CELSR1: variants seen among roughly 807,000 people sequenced by gnomAD.
The protein encoded by CELSR1 is cadherin EGF LAG seven-pass G-type receptor 1, also known as adhesion G protein-coupled receptor C1.
Under a neutral mutation model 249.1 loss-of-function variants are expected in CELSR1, and 110 were observed. The ratio of observed to expected loss-of-function variants is 0.44; its 90% CI spans 0.38 to 0.52. The LOEUF is 0.52. Among genes scored for constraint, CELSR1 ranks in the 20% least tolerant of loss-of-function variants. CELSR1 has a pLI of 0.00. For synonymous variants in CELSR1, 2,113 were observed against 1,900.0 expected (o/e 1.11, Z -2.92); for missense variants, 4,109 against 4,296.4 (o/e 0.96, Z 1.22).
intron 1 of CELSR1, among the ~76,000 whole-genome samples, chr22:46,470,001 A>AGGGGAGGGAGGGAGGAT (rs1268852616): frequency 8.3e-5 from 1 of 11,996 alleles, no homozygotes; most frequent in African/African-American, 3.8e-4. Flanking sequence ...GGAGGGAGGG[A>AGGGGAGGGAGGGAGGAT]GAGGCAAAGG....
chr22:46,459,088 C>G (rs1219213448), intron 2 of CELSR1, among the ~76,000 whole-genome samples: 1 of 152,114 alleles, frequency 6.6e-6, no homozygotes, highest in East Asian at 1.9e-4. Context: ...CAAGGTTTCA[C>G]CGTGTTGGCC....
Position 46,446,230 on chromosome 22 carries a change from C to CA in CELSR1, c.4184-6820dup, listed in dbSNP as rs888740143. ...TGTGCGTACACTGCAGGCCATCCTC[C>CA]AGCCCCGCGTCCTCTCTCTTAGTCT... is the stretch of plus-strand genomic sequence containing the variant. On this transcript the variant is annotated intron_variant, in intron 2 of 34. Coordinates refer to ENST00000674500, the MANE Select transcript of CELSR1 (RefSeq NM_001378328.1). The surrounding 1 kb of genome is among the most constrained non-coding windows in gnomAD (Gnocchi z 5.5). Among the ~76,000 whole-genome samples, 7 of 152,222 alleles carry CA rather than the reference C, an allele frequency of 4.6e-5. No homozygotes were observed. Among genetic ancestry groups the CA allele is most frequent in the Non-Finnish European group, 8.8e-5 (6 of 68,048 alleles).
chr22:46,404,305 G>A lies in CELSR1; in HGVS notation c.5227-4403C>T, dbSNP rs573314337. On this transcript the variant is annotated intron_variant, in intron 9 of 34. Transcript: ENST00000674500. ...CACACACCTGTAATCTCAGCTACTC[G>A]GGAGGCTGAGGTAGGAGAATCCCTT... Among the ~76,000 whole-genome samples, 6 of 151,820 alleles carry A rather than the reference G, an allele frequency of 4.0e-5. No homozygotes were observed. The East Asian group carries it at 5.9e-4, about 15-fold the overall frequency.
intron 1 of CELSR1, among the ~76,000 whole-genome samples, chr22:46,476,882 T>C (rs2080214360): frequency 6.6e-6 from 1 of 152,118 alleles, no homozygotes; most frequent in South Asian, 2.1e-4. Context: ...ATGTAACAAA[T>C]GCCACTGAAG....
intron 1 of CELSR1, among the ~76,000 whole-genome samples, chr22:46,531,301 A>G (rs1397127502): frequency 1.3e-5 from 2 of 151,874 alleles, no homozygotes; most frequent in African/African-American, 4.8e-5. Flanking sequence ...CGCCTCCCAG[A>G]TTCAAGCAAT....
At chr22:46,383,466 T>C (rs1430050695) in intron 20 of CELSR1, among the ~76,000 whole-genome samples, 2 of 152,220 alleles carry the variant, frequency 1.3e-5, no homozygotes, top group Non-Finnish European at 1.5e-5. Flanking sequence ...TTCTGGCTTT[T>C]TTGTTGTTGT....
chr22:46,402,614 A>C lies in CELSR1; in HGVS notation c.5227-2712T>G, dbSNP rs1351387213. Among the ~76,000 whole-genome samples, 4 of 152,240 alleles carry C rather than the reference A, an allele frequency of 2.6e-5. No individual in the cohort carries two copies. Among genetic ancestry groups the C allele is most frequent in the African/African-American group, 9.6e-5 (4 of 41,462 alleles). On this transcript the variant is annotated intron_variant, in intron 9 of 34. Transcript: ENST00000674500. The surrounding 1 kb of genome is among the most constrained non-coding windows in gnomAD (Gnocchi z 5.0). ...ACGAGGATATAAGGTAATATGCTTG[A>C]AAACCAAGAGAAGCAAGGAAGAGTG...
Position 46,536,471 on chromosome 22 carries a change from G to C in CELSR1, c.700C>G (p.Arg234Gly). Residue 234 changes from arginine to glycine, a missense_variant, in exon 1 of 35, where the codon CGG (arginine) becomes GGG (glycine). Physicochemically the swap from Arg to Gly is moderately radical, Grantham distance 125. Around this residue, in one of 7 missense-constraint regions of CELSR1, gnomAD observed 673 missense variants for 636.8 expected, o/e 1.06. Transcript: ENST00000674500. ...CTCCCTCTGCCGCTCGTGCCCCGCC[G>C]GGCCCGTCGCGCCGGCCCCGCCCGG... ...EARAGPARRA[R>G]RGTSGRGSLK... 6.2e-7 allele frequency: 1 copy of C among 1,605,634 alleles called. No homozygotes were observed. The highest frequency in any genetic ancestry group is 8.5e-7 in the Non-Finnish European group (1 of 1,176,756).
intron 2 of CELSR1, among the ~76,000 whole-genome samples, chr22:46,457,638 G>A (rs762011700): frequency 6.6e-5 from 10 of 152,238 alleles, no homozygotes; most frequent in Non-Finnish European, 1.5e-4. Flanking sequence ...CGCTCACAGC[G>A]CGGACAGAGA....
chr22:46,366,926 T>C, intron 29 of CELSR1, 67 bp downstream of exon 29: 1 of 1,541,290 alleles, frequency 6.5e-7, no homozygotes, highest in African/African-American at 1.4e-5. Flanking sequence ...TGAGGCTCGA[T>C]CACCCTCCCC....
At position 46,390,419 on chromosome 22, in the gene CELSR1, G is replaced by A. The variant is rs765914818; in HGVS notation, c.6318C>T (p.Thr2106=). The A allele has an allele frequency of 3.1e-6, 5 of 1,613,642 alleles. No homozygotes were observed. The highest frequency in any genetic ancestry group is 2.7e-5 in the African/African-American group (2 of 74,934). ...WLPPELFNCT[T]ISFVDLRAMN... ...TGGCCCTGAGGTCCACGAAGGAGATGGTGGTACAGTTAAAGAGCTCTGGGG... is the reference window on the plus strand; with the variant it reads ...TGGCCCTGAGGTCCACGAAGGAGATAGTGGTACAGTTAAAGAGCTCTGGGG... Residue 2106 remains threonine (T), a synonymous_variant, in exon 17 of 35, where the codon ACC becomes ACT. Coordinates refer to ENST00000674500, the MANE Select transcript of CELSR1 (RefSeq NM_001378328.1). This position sits in a 1 kb window ranked among gnomAD's most constrained non-coding sequence, Gnocchi z 6.3.
chr22:46,481,601 C>T (rs1378677229), intron 1 of CELSR1: 1 of 736,026 alleles, frequency 1.4e-6, no homozygotes, highest in East Asian at 2.5e-5. Flanking sequence ...TGCACCTGCT[C>T]CGTGGAGGCC....
chr22:46,390,570 A>C lies in CELSR1; in HGVS notation c.6251-84T>G. 8.8e-7 allele frequency: 1 copy of C among 1,136,244 alleles called. No individual in the cohort carries two copies. The highest frequency in any genetic ancestry group is 1.3e-6 in the Non-Finnish European group (1 of 773,618). 70.4% of individuals were successfully genotyped at this position (1,136,244 alleles called of 1,614,324 possible). On this transcript the variant is annotated intron_variant, in intron 16 of 34. Transcript: ENST00000674500. This position sits in a 1 kb window ranked among gnomAD's most constrained non-coding sequence, Gnocchi z 6.3. ...GTATTTCAATCCACAATCTGAATAT[A>C]CTTAAACCCAGAACACTGCGTGGTG... is the stretch of plus-strand genomic sequence containing the variant.
rs561942252 is a variant in CELSR1 at position 46,390,981 on chromosome 22, C to T, written c.6250+205G>A. 4.6e-5 allele frequency among the ~76,000 whole-genome samples: 7 copies of T among 152,360 alleles called. No individual in the cohort carries two copies. The highest frequency in any genetic ancestry group is 8.8e-5 in the Non-Finnish European group (6 of 68,040). ...GGCCTGACTGGCGGGCGTCCCCACACGCGCTGCACTGTTCATGTTTCTGTT... is the reference window on the plus strand; with the variant it reads ...GGCCTGACTGGCGGGCGTCCCCACATGCGCTGCACTGTTCATGTTTCTGTT... On this transcript the variant is annotated intron_variant, in intron 16 of 34. Transcript: ENST00000674500. This position sits in a 1 kb window ranked among gnomAD's most constrained non-coding sequence, Gnocchi z 6.3.
chr22:46,438,153 A>G (rs1384381366), intron 3 of CELSR1, among the ~76,000 whole-genome samples: 3 of 152,102 alleles, frequency 2.0e-5, no homozygotes, highest in Admixed American at 6.6e-5. Flanking sequence ...AAAAAGCAAA[A>G]AAAAGGAGAG....
intron 1 of CELSR1, among the ~76,000 whole-genome samples, chr22:46,501,253 C>T (rs1328102816): frequency 7.1e-6 from 1 of 140,724 alleles, no homozygotes; most frequent in Non-Finnish European, 1.5e-5. Context: ...GTTGCCCTGG[C>T]TGGAGTGCAG....
chr22:46,388,838 C>T (rs189334080), intron 18 of CELSR1, among the ~76,000 whole-genome samples: 171 of 152,080 alleles, frequency 1.1e-3, no homozygotes, highest in Middle Eastern at 3.4e-3. Flanking sequence ...CTCAGAGCTG[C>T]GGGTGGGAGT....
Position 46,535,421 on chromosome 22 carries a change from C to T in CELSR1, c.1750G>A (p.Val584Met). ...VLENVPLGYP[V>M]VHIQAVDADS... is the part of the protein sequence containing the mutation. ...GCGTCCACCGCCTGAATGTGCACCA[C>T]GGGGTAGCCCAGGGGCACATTCTCC... The change falls in exon 1 of 35, where the codon GTG (valine) becomes ATG (methionine). Residue 584 changes from valine to methionine, a missense_variant. Physicochemically the swap from Val to Met is conservative, Grantham distance 21. This residue lies in a region of CELSR1 where 886 missense variants were observed against 896.5 expected (regional missense o/e 0.99). Coordinates refer to ENST00000674500, the MANE Select transcript of CELSR1 (RefSeq NM_001378328.1). The T allele has an allele frequency of 6.2e-7, 1 of 1,607,860 alleles. No homozygotes were observed. Among genetic ancestry groups the T allele is most frequent in the Non-Finnish European group, 8.5e-7 (1 of 1,177,160 alleles).
intron 1 of CELSR1, among the ~76,000 whole-genome samples, chr22:46,466,714 T>A (rs563476430): frequency 6.6e-6 from 1 of 152,356 alleles, no homozygotes; most frequent in East Asian, 1.9e-4. Flanking sequence ...TTCATCAACT[T>A]AAAACATTAA....
Sources: allele counts gnomAD v4.1 joint callset (sites outside exome capture counted in the v4.1 genomes callset), GRCh38; gene constraint gnomAD v4.1.1; regional missense constraint gnomAD v4.1.1; non-coding constraint Gnocchi (gnomAD v3.1); transcripts MANE v1.5; gene names NCBI Gene and HGNC (gene_info 2026-07-23, HGNC 2026-07-21).